The following DACH2 variants were observed in gnomAD, a reference collection of about 807,000 sequenced individuals.
DACH2 encodes the protein dachshund family transcription factor 2.
In DACH2, 17 loss-of-function variants were observed where a neutral mutation model predicts 35.8. That is an observed-to-expected ratio of 0.48 (90% CI 0.33 to 0.71). The LOEUF (loss-of-function observed/expected upper bound fraction) is 0.71, where lower values mean the gene tolerates loss of function less well. Ranked by LOEUF, DACH2 falls within the 30% of genes least tolerant of loss-of-function variation. DACH2 has a pLI of 0.02. For missense variants in DACH2, 469 were observed against 472.7 expected (o/e 0.99, Z 0.07); for synonymous variants, 195 against 177.3 (o/e 1.10, Z -0.79).
intron 2 of DACH2, among the ~76,000 whole-genome samples, chrX:86,459,363 G>T (rs2037528711): frequency 1.8e-5 from 2 of 111,544 alleles, no homozygotes; most frequent in Non-Finnish European, 3.8e-5. Flanking sequence ...ACTTTTGCAA[G>T]AACTTTGTTG....
At chrX:86,659,213 T>C (rs1388207905) in intron 4 of DACH2, among the ~76,000 whole-genome samples, 1 of 110,728 alleles carries the variant, frequency 9.0e-6, no homozygotes, top group Non-Finnish European at 1.9e-5. Flanking sequence ...TTTTCAACTT[T>C]CACTACTCTA....
intron 3 of DACH2, among the ~76,000 whole-genome samples, chrX:86,553,859 T>C (rs977148445): frequency 8.1e-5 from 9 of 111,690 alleles, no homozygotes; most frequent in Middle Eastern, 4.6e-3. Context: ...TTAACCATAT[T>C]TGCCAAATAC....
At chrX:86,510,598 C>T (rs1360350053) in intron 2 of DACH2, among the ~76,000 whole-genome samples, 1 of 111,518 alleles carries the variant, frequency 9.0e-6, no homozygotes, top group African/African-American at 3.3e-5. Flanking sequence ...ATGACCTGGG[C>T]CCAGAGAAAT....
intron 2 of DACH2, among the ~76,000 whole-genome samples, chrX:86,500,499 A>T (rs188705047): frequency 2.9e-4 from 32 of 112,029 alleles, no homozygotes; most frequent in African/African-American, 1.0e-3. Flanking sequence ...CTGTAAAAAA[A>T]ATGTCGTTTA....
At chrX:86,159,670 G>A (rs1434810498) in intron 1 of DACH2, among the ~76,000 whole-genome samples, 1 of 111,815 alleles carries the variant, frequency 8.9e-6, no homozygotes, top group Admixed American at 9.5e-5. Flanking sequence ...CTTATCAGGG[G>A]AAGTGGTGAT....
At chrX:86,276,535 C>T (rs2033919460) in intron 1 of DACH2, among the ~76,000 whole-genome samples, 1 of 111,480 alleles carries the variant, frequency 9.0e-6, no homozygotes, top group Non-Finnish European at 1.9e-5. Context: ...TTTTAACTGG[C>T]TGTGATCCCA....
intron 1 of DACH2, among the ~76,000 whole-genome samples, chrX:86,361,378 C>T (rs1196829547): frequency 9.0e-6 from 1 of 111,320 alleles, no homozygotes; most frequent in Non-Finnish European, 1.9e-5. Context: ...GAATAATTTT[C>T]ATTTCATTAT....
At chrX:86,568,087 G>A (rs1483313487) in intron 3 of DACH2, among the ~76,000 whole-genome samples, 1 of 111,719 alleles carries the variant, frequency 9.0e-6, no homozygotes, top group Non-Finnish European at 1.9e-5. Flanking sequence ...ACAATGGTCT[G>A]ACATTCTGTA....
At position 86,327,428 on chromosome X, in the gene DACH2, T is replaced by C. The variant is rs1602407584; in HGVS notation, c.489-49396T>C. Among the ~76,000 whole-genome samples the C allele has an allele frequency of 5.4e-5, 6 of 111,924 alleles. 1 individual carries two copies. Among genetic ancestry groups the C allele is most frequent in the Non-Finnish European group, 1.9e-5 (1 of 53,112 alleles). On this transcript the variant is annotated intron_variant, in intron 1 of 11. Transcript: ENST00000373125. The stretch of plus-strand genomic sequence containing the variant: ...AGAAATTTTTAGAGAAAAAGAAATG[T>C]TAGATTGAGATTCCTATTATTTTTC...
intron 2 of DACH2, among the ~76,000 whole-genome samples, chrX:86,497,924 G>A (rs1199899702): frequency 1.8e-5 from 2 of 111,428 alleles, no homozygotes; most frequent in Non-Finnish European, 3.8e-5. Context: ...AACCCAGGAG[G>A]TAGGGGTTGC....
chrX:86,813,292 T>A lies in DACH2; in HGVS notation c.1537+15T>A. On this transcript the variant is annotated intron_variant, in intron 9 of 11. Coordinates refer to ENST00000373125, the MANE Select transcript of DACH2 (RefSeq NM_053281.3). ...TCAAAGCAGAAGTAAGTTTTACAAG[T>A]TCAATTACAGAGTGAATATTATGTT... is the stretch of plus-strand genomic sequence containing the variant. 1 of 1,179,673 alleles carries A rather than the reference T, an allele frequency of 8.5e-7. No homozygotes were observed. The highest frequency in any genetic ancestry group is 1.1e-6 in the Non-Finnish European group (1 of 878,094).
intron 5 of DACH2, among the ~76,000 whole-genome samples, chrX:86,705,063 A>ATATCTCACATATATATATATC (rs1556379594): frequency 5.9e-4 from 62 of 104,630 alleles, no homozygotes; most frequent in South Asian, 2.0e-3. Context: ...ATATATATAT[A>ATATCTCACATATATATATATC]TATCTCACAT....
intron 11 of DACH2, among the ~76,000 whole-genome samples, chrX:86,825,162 C>T (rs1352971064): frequency 4.5e-5 from 5 of 111,688 alleles, no homozygotes; most frequent in Non-Finnish European, 9.4e-5. Flanking sequence ...CATCTGTAAT[C>T]CCAGCACTTT....
chrX:86,472,548 G>C (rs1434399494), intron 2 of DACH2, among the ~76,000 whole-genome samples: 1 of 111,865 alleles, frequency 8.9e-6, no homozygotes, highest in African/African-American at 3.2e-5. Context: ...AAATGTTATA[G>C]TAATAAATGA....
At chrX:86,274,096 T>C (rs1252082821) in intron 1 of DACH2, among the ~76,000 whole-genome samples, 1 of 106,353 alleles carries the variant, frequency 9.4e-6, no homozygotes, top group Non-Finnish European at 1.9e-5. Flanking sequence ...GAGGCTGGAG[T>C]TCTAGTTCTT....
intron 2 of DACH2, among the ~76,000 whole-genome samples, chrX:86,399,583 CAG>C (rs1363952978): frequency 9.0e-6 from 1 of 111,642 alleles, no homozygotes; most frequent in Non-Finnish European, 1.9e-5. Context: ...TCTGGTGTGA[CAG>C]AATCTCTCAG....
chrX:86,642,129 G>C (rs2040354010), intron 3 of DACH2, among the ~76,000 whole-genome samples: 1 of 111,335 alleles, frequency 9.0e-6, no homozygotes, highest in Non-Finnish European at 1.9e-5. Context: ...GAATGTAAAT[G>C]GGCTAAATGC....
At chrX:86,781,415 T>G (rs2042088487) in intron 7 of DACH2, among the ~76,000 whole-genome samples, 1 of 111,865 alleles carries the variant, frequency 8.9e-6, no homozygotes, top group Admixed American at 9.5e-5. Context: ...GTCACTAAAT[T>G]CCTTGCTTCT....
chrX:86,246,688 A>G (rs962546213), intron 1 of DACH2, among the ~76,000 whole-genome samples: 1 of 112,274 alleles, frequency 8.9e-6, no homozygotes, highest in South Asian at 3.7e-4. Context: ...TGGAAATGAG[A>G]CAGTTACCAG....
Sources: allele counts gnomAD v4.1 joint callset (sites outside exome capture counted in the v4.1 genomes callset), GRCh38; gene constraint gnomAD v4.1.1; transcripts MANE v1.5; gene names NCBI Gene and HGNC (gene_info 2026-07-23, HGNC 2026-07-21).